COL14A1: variants seen among roughly 807,000 people sequenced by gnomAD.
COL14A1 encodes the protein collagen alpha-1(XIV) chain.
In COL14A1, 136 loss-of-function variants were observed where a neutral mutation model predicts 230.3. That is an observed-to-expected ratio of 0.59 (90% confidence interval 0.51 to 0.68). COL14A1 has a LOEUF of 0.68. Among genes scored for constraint, COL14A1 ranks in the 30% least tolerant of loss-of-function variants. The pLI is 0.00. For missense variants in COL14A1, 1,976 were observed against 2,215.8 expected (o/e 0.89, Z 2.17); for synonymous variants, 792 against 784.1 (o/e 1.01, Z -0.17).
chr8:120,126,485 G>A (rs1175186179), intron 1 of COL14A1, among the ~76,000 whole-genome samples: 1 of 152,184 alleles, frequency 6.6e-6, no homozygotes, highest in Non-Finnish European at 1.5e-5. Context: ...TCCTCTGTTG[G>A]CAGCAGCTGA....
chr8:120,222,256 C>T (rs1817955096), intron 14 of COL14A1, among the ~76,000 whole-genome samples: 1 of 152,114 alleles, frequency 6.6e-6, no homozygotes, highest in Non-Finnish European at 1.5e-5. Flanking sequence ...CTGCAGCAAA[C>T]AATAAGTGCT....
At chr8:120,184,758 A>T (rs1816592752) in intron 5 of COL14A1, among the ~76,000 whole-genome samples, 1 of 152,178 alleles carries the variant, frequency 6.6e-6, no homozygotes, top group Admixed American at 6.5e-5. Flanking sequence ...TTTTAGTTCA[A>T]GTCTCAAGGC....
intron 5 of COL14A1, among the ~76,000 whole-genome samples, chr8:120,175,953 A>G (rs1319230052): frequency 6.6e-6 from 1 of 152,140 alleles, no homozygotes; most frequent in Non-Finnish European, 1.5e-5. Context: ...ATACTCCCAT[A>G]TTTGATTCTT....
intron 11 of COL14A1, 59 bp from the exon 12 acceptor site, chr8:120,209,697 C>A (rs751615224): frequency 5.2e-5 from 78 of 1,492,136 alleles, no homozygotes; most frequent in Non-Finnish European, 7.0e-5. Flanking sequence ...TTGATAATTT[C>A]ATTTTTCTCA....
chr8:120,224,174 G>A (rs968892452), intron 14 of COL14A1, among the ~76,000 whole-genome samples: 6 of 151,602 alleles, frequency 4.0e-5, no homozygotes, highest in South Asian at 2.1e-4. Flanking sequence ...TTGCAGGTGC[G>A]CACCACAACA....
intron 36 of COL14A1, among the ~76,000 whole-genome samples, chr8:120,309,778 T>A (rs181615413): frequency 6.6e-6 from 1 of 152,294 alleles, no homozygotes; most frequent in African/African-American, 2.4e-5. Flanking sequence ...CATTTTTCAA[T>A]ATTTAAAAAG....
chr8:120,249,232 C>T (rs2129666509), intron 21 of COL14A1, among the ~76,000 whole-genome samples: 1 of 151,966 alleles, frequency 6.6e-6, no homozygotes, highest in East Asian at 2.0e-4. Flanking sequence ...TTCAATCTTT[C>T]ATCTGAGATA....
chr8:120,350,499 G>A (rs1289348065), intron 45 of COL14A1, among the ~76,000 whole-genome samples: 12 of 150,250 alleles, frequency 8.0e-5, no homozygotes, highest in South Asian at 4.3e-4. Flanking sequence ...CCCATCTCAC[G>A]TGCAGAGACA....
At chr8:120,229,844 G>C (rs1818214939) in intron 18 of COL14A1, among the ~76,000 whole-genome samples, 2 of 152,062 alleles carry the variant, frequency 1.3e-5, no homozygotes, top group South Asian at 4.1e-4. Context: ...GTTTTGATTT[G>C]CACTTCTGTT....
chr8:120,157,100 A>C (rs1815506196), intron 2 of COL14A1, among the ~76,000 whole-genome samples: 1 of 152,178 alleles, frequency 6.6e-6, no homozygotes, highest in African/African-American at 2.4e-5. Context: ...TGTTCCAGAA[A>C]TGTGTTTTGA....
rs751358012 is a variant in COL14A1 at position 120,255,240 on chromosome 8, T to C, written c.2753T>C (p.Leu918Ser). Residue 918 changes from leucine to serine, a missense_variant and splice_region_variant, in exon 23 of 48, where the codon TTG becomes TCG. Coordinates refer to ENST00000297848, the MANE Select transcript of COL14A1 (RefSeq NM_021110.4). ...SDALTGMVKT[L>S]FLGVTNLQAK... ...CAGTTATGTTTCTATTTCATTCCAG[T>C]GTTCTTGGGTGTTACCAATCTCCAA... 2 of 1,610,184 alleles carry C rather than the reference T, an allele frequency of 1.2e-6. No homozygotes were observed. Among genetic ancestry groups the C allele is most frequent in the Non-Finnish European group, 8.5e-7 (1 of 1,176,372 alleles).
chr8:120,184,226 T>G (rs1816572972), intron 5 of COL14A1, among the ~76,000 whole-genome samples: 1 of 55,108 alleles, frequency 1.8e-5, no homozygotes, highest in African/African-American at 5.7e-5. Flanking sequence ...GGGGAAGAGA[T>G]TTATTTATTT....
At chr8:120,230,917 G>A (rs138595601) in intron 18 of COL14A1, among the ~76,000 whole-genome samples, 3 of 152,358 alleles carry the variant, frequency 2.0e-5, no homozygotes, top group Non-Finnish European at 4.4e-5. Context: ...AGGTAAAGGA[G>A]TTTGGACAAG....
chr8:120,208,240 A>G lies in COL14A1; in HGVS notation c.1200A>G (p.Val400=), dbSNP rs748541976. ...AACTGTTCTTTAAACAGGTGGTGGTAGATGGAACTGTATCTTCCACAGTGT... is the reference window on the plus strand; with the variant it reads ...AACTGTTCTTTAAACAGGTGGTGGTGGATGGAACTGTATCTTCCACAGTGT... ...TRGGKPDEVV[V]DGTVSSTVLK... Residue 400 remains valine, a synonymous_variant, in exon 11 of 48, where the codon GTA becomes GTG. Transcript: ENST00000297848. 1 of 1,610,482 alleles carries G rather than the reference A, an allele frequency of 6.2e-7. No homozygotes were observed. Among genetic ancestry groups the G allele is most frequent in the Non-Finnish European group, 8.5e-7 (1 of 1,177,682 alleles).
Position 120,315,561 on chromosome 8 carries a change from G to A in COL14A1, c.4580G>A (p.Gly1527Glu), listed in dbSNP as rs780752502. 3 of 1,613,556 alleles carry A rather than the reference G, an allele frequency of 1.9e-6. No homozygotes were observed. In the South Asian group the frequency reaches 3.3e-5, roughly 18 times the overall value. ...PGMPGEKGEK[G>E]DTGLPGPQGI... is the part of the protein sequence containing the mutation. ...ATGCCAGGAGAAAAAGGAGAGAAAG[G>A]AGATACTGGCCTTCCAGGTCCACAG... The change falls in exon 39 of 48, where the codon GGA becomes GAA. Residue 1527 changes from glycine to glutamate, a missense_variant. Gly to Glu is a moderately conservative substitution (Grantham distance 98). Coordinates refer to ENST00000297848, the MANE Select transcript of COL14A1 (RefSeq NM_021110.4).
intron 19 of COL14A1, among the ~76,000 whole-genome samples, chr8:120,238,128 G>A (rs550636164): frequency 5.5e-4 from 83 of 152,264 alleles, no homozygotes; most frequent in African/African-American, 2.0e-3. Context: ...AGCAGAGTTC[G>A]AGCGCTGTGC....
intron 31 of COL14A1, 103 bp from the exon 32 acceptor site, chr8:120,283,533 T>C: frequency 7.8e-7 from 1 of 1,288,596 alleles, no homozygotes; most frequent in Non-Finnish European, 1.1e-6. Flanking sequence ...GTCTTTTCTG[T>C]TTTTCCAAAT....
At chr8:120,260,047 T>G (rs533302094) in intron 23 of COL14A1, among the ~76,000 whole-genome samples, 1 of 152,290 alleles carries the variant, frequency 6.6e-6, no homozygotes, top group Non-Finnish European at 1.5e-5. Flanking sequence ...AATGTTATCA[T>G]TTTTCATAAT....
chr8:120,347,331 A>G (rs1383780153), intron 45 of COL14A1, among the ~76,000 whole-genome samples: 3 of 152,174 alleles, frequency 2.0e-5, no homozygotes, highest in Non-Finnish European at 4.4e-5. Context: ...AGTACAGTAG[A>G]CAAGCAGAAT....
Sources: allele counts gnomAD v4.1 joint callset (sites outside exome capture counted in the v4.1 genomes callset), GRCh38; gene constraint gnomAD v4.1.1; transcripts MANE v1.5; gene names NCBI Gene and HGNC (gene_info 2026-07-23, HGNC 2026-07-21).